The following RNFT2 variants were observed in gnomAD, a reference collection of about 807,000 sequenced individuals.
The protein encoded by RNFT2 is ring finger protein, transmembrane 2.
Under a neutral mutation model 53.0 loss-of-function variants are expected in RNFT2, and 36 were observed. That is an observed-to-expected ratio of 0.68 (90% CI 0.52 to 0.90). RNFT2 has a LOEUF of 0.90. RNFT2 is among the 40% of genes least tolerant of loss of function. The pLI is 0.00. For synonymous variants in RNFT2, 260 were observed against 253.2 expected, an observed-to-expected ratio of 1.03 and a Z score of -0.26; for missense variants, 514 against 585.6, an observed-to-expected ratio of 0.88 and a Z score of 1.26.
intron 7 of RNFT2, among the ~76,000 whole-genome samples, chr12:116,788,826 A>AGATGGATGGATGGATGGATGGATG (rs10579272): frequency 9.9e-4 from 149 of 150,064 alleles, no homozygotes; most frequent in Middle Eastern, 3.5e-3. Context: ...ATGGATGGAT[A>AGATGGATGGATGGATGGATGGATG]GATGGATGGA....
At chr12:116,844,042 G>A (rs1877487378) in intron 10 of RNFT2, among the ~76,000 whole-genome samples, 1 of 152,114 alleles carries the variant, frequency 6.6e-6, no homozygotes, top group African/African-American at 2.4e-5. Flanking sequence ...TACCCCTGGG[G>A]GTTCCTTTCA....
intron 6 of RNFT2, among the ~76,000 whole-genome samples, chr12:116,767,698 G>A (rs1872980352): frequency 6.6e-6 from 1 of 152,088 alleles, no homozygotes; most frequent in African/African-American, 2.4e-5. Context: ...TCCTGCCTCA[G>A]CCTCCCAAGT....
At chr12:116,749,662 G>A (rs924313708) in intron 3 of RNFT2, among the ~76,000 whole-genome samples, 179 bp from the exon 4 acceptor site, 10 of 152,076 alleles carry the variant, frequency 6.6e-5, no homozygotes, top group Non-Finnish European at 4.4e-5. Context: ...GCCTCGTATA[G>A]ACCCTATCTT....
intron 4 of RNFT2, among the ~76,000 whole-genome samples, chr12:116,753,185 C>G (rs1872337614): frequency 9.4e-6 from 1 of 106,510 alleles, no homozygotes; most frequent in Non-Finnish European, 1.7e-5. Context: ...GAGTCTTGCT[C>G]TGTTGCCCAG....
At chr12:116,769,792 G>C (rs536372871) in intron 6 of RNFT2, among the ~76,000 whole-genome samples, 1 of 152,278 alleles carries the variant, frequency 6.6e-6, no homozygotes, top group South Asian at 2.1e-4. Context: ...AGCACTTTGG[G>C]AGGCCAAGGT....
chr12:116,851,743 TAA>T lies in RNFT2; in HGVS notation c.*2305_*2306del, dbSNP rs373885060. ...GTGACAGAGTGAGTGAGACTCTGTC[TAA>T]AAAAAAAAAGAAAGAAAGAAGGGAG... On this transcript the variant is annotated 3_prime_UTR_variant, in exon 11 of 11. Transcript: ENST00000257575. 1.1e-4 allele frequency: 61 copies of T among 571,778 alleles called. No individual in the cohort carries two copies. Among genetic ancestry groups the T allele is most frequent in the South Asian group, 1.7e-4 (9 of 52,890 alleles). The allele number at this position is 571,778 out of a possible 1,614,324, so 35.4% of individuals were successfully genotyped here. A position where few individuals can be genotyped will look rare whatever the true frequency, so the allele number is the denominator to read the frequency against.
intron 7 of RNFT2, 90 bp from the exon 8 acceptor site, chr12:116,833,693 GACCTAGAAT>G: frequency 8.2e-7 from 1 of 1,225,422 alleles, no homozygotes; most frequent in Admixed American, 2.1e-5. Context: ...GCCTGCCTGT[GACCTAGAAT>G]GTCATCACTG....
intron 4 of RNFT2, among the ~76,000 whole-genome samples, chr12:116,750,822 TATATATAATATATATATTATATATATATA>T (rs1872168991): frequency 5.4e-5 from 1 of 18,566 alleles, no homozygotes; most frequent in African/African-American, 1.3e-4. Context: ...ATATATATTA[TATATATAATATATATATTATATATATATA>T]ATATATATTA....
In RNFT2 at chr12:116,740,483, G is replaced by A; in HGVS notation, c.-15G>A. On this transcript the variant is annotated 5_prime_UTR_variant, in exon 2 of 11. The change abolishes an upstream ATG in the 5' untranslated region. Coordinates refer to ENST00000257575, the MANE Select transcript of RNFT2 (RefSeq NM_001382266.1). ...TGCCTACCTCCAGTGTCGTCAACAT[G>A]GAGTTCTGAAGTCCATGTGGCTCTT... The A allele has an allele frequency of 6.4e-7, 1 of 1,571,562 alleles. No individual in the cohort carries two copies. Among genetic ancestry groups the A allele is most frequent in the Non-Finnish European group, 8.6e-7 (1 of 1,157,064 alleles).
intron 6 of RNFT2, among the ~76,000 whole-genome samples, chr12:116,770,559 G>GT (rs1171971711): frequency 6.6e-6 from 1 of 151,770 alleles, no homozygotes; most frequent in Non-Finnish European, 1.5e-5. Flanking sequence ...TTTTTTCTTT[G>GT]TTTTTTCATT....
intron 10 of RNFT2, among the ~76,000 whole-genome samples, chr12:116,841,958 T>TAGAG (rs71099003): frequency 1.9e-3 from 12 of 6,384 alleles, no homozygotes; most frequent in African/African-American, 7.8e-3. Context: ...AATATATATA[T>TAGAG]AGAGAGAGAG....
chr12:116,806,391 TATATATATAG>T lies in RNFT2; in HGVS notation c.882+27047_882+27056del, dbSNP rs1198462180. Among the ~76,000 whole-genome samples, 18 of 137,248 alleles carry T rather than the reference TATATATATAG, an allele frequency of 1.3e-4. No homozygotes were observed. In the East Asian group the frequency reaches 2.4e-3, roughly 19 times the overall value. 90.0% of individuals were successfully genotyped at this position (137,248 alleles called of 152,430 possible). On this transcript the variant is annotated intron_variant, in intron 7 of 10. Coordinates refer to ENST00000257575, the MANE Select transcript of RNFT2 (RefSeq NM_001382266.1). Reference sequence around the variant, plus strand: ...TCAAAAAAAAAAAAAAATATATATATATATATATAGATAGATAGATAGATAGATAGATAGA... The same window carrying T: ...TCAAAAAAAAAAAAAAATATATATATATAGATAGATAGATAGATAGATAGA...
chr12:116,826,114 G>A (rs940513114), intron 7 of RNFT2, among the ~76,000 whole-genome samples: 1 of 151,810 alleles, frequency 6.6e-6, no homozygotes, highest in Non-Finnish European at 1.5e-5. Flanking sequence ...ATGTAGGTGC[G>A]TTCTTCCAAA....
chr12:116,749,928 A>T lies in RNFT2; in HGVS notation c.171A>T (p.Pro57=). The change falls in exon 4 of 11, where the codon CCA becomes CCT. Residue 57 remains proline (P), a synonymous_variant. Coordinates refer to ENST00000257575, the MANE Select transcript of RNFT2 (RefSeq NM_001382266.1). The part of the protein sequence containing the change: ...ESLKAEAASP[P]ALFSGLSGSL... ...TGAAGGCAGAGGCAGCCTCCCCACC[A>T]GCGCTCTTCTCGGGCTTATCAGGCA... 6.3e-7 allele frequency: 1 copy of T among 1,581,118 alleles called. No individual in the cohort carries two copies. Among genetic ancestry groups the T allele is most frequent in the Non-Finnish European group, 8.6e-7 (1 of 1,163,656 alleles).
At chr12:116,749,734 C>T (rs1872083174) in intron 3 of RNFT2, 107 bp from the exon 4 acceptor site, 2 of 996,068 alleles carry the variant, frequency 2.0e-6, no homozygotes, top group Non-Finnish European at 3.0e-6. Flanking sequence ...GAGGGGGACA[C>T]AGCTCAACCC....
chr12:116,797,047 C>T (rs1485925950), intron 7 of RNFT2, among the ~76,000 whole-genome samples: 1 of 152,146 alleles, frequency 6.6e-6, no homozygotes, highest in African/African-American at 2.4e-5. Context: ...CAGGACAGCC[C>T]TCTACTGCAA....
intron 3 of RNFT2, among the ~76,000 whole-genome samples, chr12:116,745,256 C>T (rs898364354): frequency 4.0e-5 from 6 of 149,318 alleles, no homozygotes; most frequent in Non-Finnish European, 8.9e-5. Flanking sequence ...CTCACTGCAA[C>T]CTTTGCCTCC....
intron 10 of RNFT2, among the ~76,000 whole-genome samples, chr12:116,842,382 C>T (rs1877392429): frequency 6.6e-6 from 1 of 152,046 alleles, no homozygotes; most frequent in Non-Finnish European, 1.5e-5. Flanking sequence ...GGAAATCTGC[C>T]TCTCACATGC....
intron 3 of RNFT2, among the ~76,000 whole-genome samples, chr12:116,748,057 G>A (rs1469900673): frequency 6.6e-6 from 1 of 152,086 alleles, no homozygotes; most frequent in Admixed American, 6.6e-5. Context: ...GCACATGATG[G>A]CAGGTGCCTG....
Sources: gnomAD v4.1 joint callset for allele counts (sites outside exome capture counted in the v4.1 genomes callset) on GRCh38, gnomAD v4.1.1 for gene constraint, MANE v1.5 for transcripts, NCBI Gene and HGNC (gene_info 2026-07-23, HGNC 2026-07-21) for gene names.